MATCAP2: variants seen among roughly 807,000 people sequenced by gnomAD.
MATCAP2 encodes the protein putative tyrosine carboxypeptidase MATCAP2.
the MATCAP2 span, among the ~76,000 whole-genome samples, chr7:36,330,070 AT>A: frequency 0.32 from 12,751 of 39,796 alleles, 601 homozygotes; most frequent in South Asian, 0.43. Flanking sequence ...ATTTTATTTT[AT>A]TTTATTTATT....
At chr7:36,384,657 G>A in the MATCAP2 span, among the ~76,000 whole-genome samples, 2 of 152,170 alleles carry the variant, frequency 1.3e-5, no homozygotes, top group African/African-American at 4.8e-5. Context: ...AAAGTGATTG[G>A]TGGGCAGAGA....
chr7:36,327,145 A>T, the MATCAP2 span, among the ~76,000 whole-genome samples: 4 of 151,948 alleles, frequency 2.6e-5, no homozygotes, highest in Admixed American at 2.6e-4. Context: ...TATTATTATT[A>T]TTTTTTTCCT....
chr7:36,362,549 G>A, the MATCAP2 span, among the ~76,000 whole-genome samples: 1 of 152,178 alleles, frequency 6.6e-6, no homozygotes, highest in African/African-American at 2.4e-5. Flanking sequence ...AAATGTGCCA[G>A]AAACAAACTT....
chr7:36,324,490 G>C, the MATCAP2 span: 1 of 152,028 alleles, frequency 6.6e-6, no homozygotes, highest in African/African-American at 2.4e-5. Context: ...AATAGCCTAT[G>C]ACAAATAACT....
the MATCAP2 span, among the ~76,000 whole-genome samples, chr7:36,372,880 G>A: frequency 7.9e-5 from 12 of 152,246 alleles, no homozygotes; most frequent in Admixed American, 2.6e-4. Context: ...CAAGGTGGGC[G>A]GATCACCTGA....
chr7:36,349,386 A>G, the MATCAP2 span, among the ~76,000 whole-genome samples: 1 of 152,222 alleles, frequency 6.6e-6, no homozygotes, highest in East Asian at 1.9e-4. Context: ...ACAAACCAAA[A>G]TATTTCAAAA....
At chr7:36,327,942 CTTTT>C in the MATCAP2 span, among the ~76,000 whole-genome samples, 1 of 152,034 alleles carries the variant, frequency 6.6e-6, no homozygotes, top group Non-Finnish European at 1.5e-5. Context: ...CATCTTCTTG[CTTTT>C]ATTTTGAATT....
At chr7:36,388,040 T>C in the MATCAP2 span, among the ~76,000 whole-genome samples, 1 of 152,192 alleles carries the variant, frequency 6.6e-6, no homozygotes, top group Non-Finnish European at 1.5e-5. Flanking sequence ...TATTACTTAT[T>C]ATGAAATATT....
the MATCAP2 span, chr7:36,324,879 G>A: frequency 6.6e-5 from 10 of 152,172 alleles, no homozygotes; most frequent in Non-Finnish European, 1.3e-4. Flanking sequence ...AACTAGAACT[G>A]CTGCAAATGA....
chr7:36,360,523 T>C, the MATCAP2 span, among the ~76,000 whole-genome samples: 127 of 152,292 alleles, frequency 8.3e-4, no homozygotes, highest in African/African-American at 3.1e-3. Flanking sequence ...CTATTTATTT[T>C]ACAAATGTCA....
At chr7:36,335,831 G>C in the MATCAP2 span, among the ~76,000 whole-genome samples, 1 of 152,246 alleles carries the variant, frequency 6.6e-6, no homozygotes, top group South Asian at 2.1e-4. Context: ...AGCACTCTGG[G>C]AGGCCAAGGC....
At chr7:36,357,690 G>T in the MATCAP2 span, 1 of 892,106 alleles carries the variant, frequency 1.1e-6, no homozygotes, top group Non-Finnish European at 1.7e-6. Context: ...TATAAACTTC[G>T]TAATTTTGCA....
the MATCAP2 span, among the ~76,000 whole-genome samples, chr7:36,329,304 C>T: frequency 8.6e-5 from 13 of 151,990 alleles, no homozygotes; most frequent in African/African-American, 3.1e-4. Context: ...TATGGAATGG[C>T]AGAGGAGGTA....
chr7:36,365,944 G>C, the MATCAP2 span, among the ~76,000 whole-genome samples: 34 of 152,144 alleles, frequency 2.2e-4, no homozygotes, highest in Non-Finnish European at 4.9e-4. Flanking sequence ...GTCATGATTT[G>C]TGACTGCACA....
the MATCAP2 span, among the ~76,000 whole-genome samples, chr7:36,328,249 G>GGGGT: frequency 7.4e-4 from 86 of 116,606 alleles, 6 homozygotes; most frequent in East Asian, 0.019. Flanking sequence ...TAGGGGGGGG[G>GGGGT]GGTCTTGCTA....
chr7:36,346,152 G>A, the MATCAP2 span, among the ~76,000 whole-genome samples: 2 of 152,116 alleles, frequency 1.3e-5, no homozygotes, highest in Admixed American at 6.6e-5. Context: ...TGATGAGAAC[G>A]TGGAGAAACT....
At chr7:36,335,537 G>C in the MATCAP2 span, among the ~76,000 whole-genome samples, 1 of 152,228 alleles carries the variant, frequency 6.6e-6, no homozygotes, top group Admixed American at 6.5e-5. Flanking sequence ...CCAAGGCTTT[G>C]AGACTGACCA....
the MATCAP2 span, among the ~76,000 whole-genome samples, chr7:36,378,947 C>T: frequency 5.9e-5 from 9 of 152,198 alleles, no homozygotes; most frequent in East Asian, 1.9e-4. Flanking sequence ...TTGCTAAGAC[C>T]GTTGGAAAAG....
the MATCAP2 span, among the ~76,000 whole-genome samples, chr7:36,340,304 T>G: frequency 2.6e-5 from 4 of 152,228 alleles, no homozygotes; most frequent in African/African-American, 9.6e-5. Context: ...TAGAGAATTA[T>G]GAAAAACTTA....
Sources: gnomAD v4.1 joint callset for allele counts (sites outside exome capture counted in the v4.1 genomes callset) on GRCh38, gnomAD v4.1.1 for gene constraint, MANE v1.5 for transcripts, NCBI Gene and HGNC (gene_info 2026-07-23, HGNC 2026-07-21) for gene names.